The following NR3C2 variants were observed in gnomAD, a reference collection of about 807,000 sequenced individuals.
NR3C2 encodes the protein mineralocorticoid receptor.
Under a neutral mutation model 86.4 loss-of-function variants are expected in NR3C2, and 15 were observed. The observed-to-expected ratio is 0.17, with a 90% confidence interval of 0.12 to 0.27. NR3C2 has a LOEUF of 0.27. Among genes scored for constraint, NR3C2 ranks in the 10% least tolerant of loss-of-function variants. The pLI is 1.00. For missense variants in NR3C2, 960 were observed against 1,195.6 expected (o/e 0.80, Z 2.91); for synonymous variants, 458 against 450.5 (o/e 1.02, Z -0.21).
intron 4 of NR3C2, among the ~76,000 whole-genome samples, chr4:148,184,862 A>G (rs976767283): frequency 1.3e-5 from 2 of 152,338 alleles, no homozygotes; most frequent in Non-Finnish European, 2.9e-5. Flanking sequence ...GGTGCACTAG[A>G]GACACCAGAA....
intron 2 of NR3C2, among the ~76,000 whole-genome samples, chr4:148,312,172 A>G (rs1742935171): frequency 6.6e-6 from 1 of 152,224 alleles, no homozygotes; most frequent in Non-Finnish European, 1.5e-5. Context: ...CGAGCTAGTC[A>G]TTAAACTACA....
rs1320873671 is a variant in NR3C2 at position 148,239,102 on chromosome 4, C to A, written c.1897+20876G>T. Among the ~76,000 whole-genome samples, 3 of 152,146 alleles carry A rather than the reference C, an allele frequency of 2.0e-5. No homozygotes were observed. In the South Asian group the frequency reaches 6.2e-4, roughly 32 times the overall value. ...GAAAAGTGATGAAACTAGAGAGGGA[C>A]AGGCAGATTCCAAAGTTCGTATATG... On this transcript the variant is annotated intron_variant, in intron 3 of 8. Coordinates refer to ENST00000358102, the MANE Select transcript of NR3C2 (RefSeq NM_000901.5).
At chr4:148,114,455 G>A (rs1430333660) in intron 7 of NR3C2, among the ~76,000 whole-genome samples, 194 bp from the exon 8 acceptor site, 1 of 152,186 alleles carries the variant, frequency 6.6e-6, no homozygotes, top group Non-Finnish European at 1.5e-5. Context: ...TTTATCAGAT[G>A]TGTCTTATCA....
chr4:148,384,671 G>A (rs781381097), intron 2 of NR3C2, among the ~76,000 whole-genome samples: 34 of 152,058 alleles, frequency 2.2e-4, no homozygotes, highest in East Asian at 1.2e-3. Flanking sequence ...TTCCCCATGC[G>A]TTTATCATTC....
upstream of NR3C2, chr4:148,442,709 C>T (rs1750414521): frequency 1.0e-6 from 1 of 985,414 alleles, no homozygotes; most frequent in Non-Finnish European, 1.2e-6. Flanking sequence ...ACAGCCTGGA[C>T]TCGGCAGCTT....
chr4:148,261,393 C>T (rs916320924), intron 2 of NR3C2, among the ~76,000 whole-genome samples: 47 of 150,646 alleles, frequency 3.1e-4, no homozygotes, highest in Non-Finnish European at 5.8e-4. Flanking sequence ...GTGTATGGTG[C>T]GCTATGGTCA....
In NR3C2 at chr4:148,341,249, T is replaced by C. The variant is rs539225124; in HGVS notation, c.1758-81132A>G. On this transcript the variant is annotated intron_variant, in intron 2 of 8. Transcript: ENST00000358102. ...AGATGAATGGATTTTTAAAAAGTGA[T>C]ACTAACAGTGGAATATTATTCGCCC... is the stretch of plus-strand genomic sequence containing the variant. 3.9e-5 allele frequency among the ~76,000 whole-genome samples: 6 copies of C among 152,290 alleles called. No individual in the cohort carries two copies. In the East Asian group the frequency reaches 1.2e-3, roughly 29 times the overall value.
At chr4:148,257,952 C>T (rs61760293) in intron 3 of NR3C2, among the ~76,000 whole-genome samples, 23 of 152,128 alleles carry the variant, frequency 1.5e-4, no homozygotes, top group Admixed American at 2.6e-4. Flanking sequence ...AAAAGTTGCA[C>T]CTGCATTTAG....
At chr4:148,227,426 C>T (rs2883917) in intron 3 of NR3C2, among the ~76,000 whole-genome samples, 20,730 of 152,010 alleles carry the variant, frequency 0.14, 1,562 homozygotes, top group African/African-American at 0.18. Context: ...CTAAGGTGCC[C>T]GCCAGGTTTC....
intron 6 of NR3C2, among the ~76,000 whole-genome samples, chr4:148,145,300 C>T (rs928586760): frequency 6.6e-5 from 10 of 152,240 alleles, no homozygotes; most frequent in East Asian, 3.9e-4. Flanking sequence ...ATGCTCCCTC[C>T]GAAATGCTGG....
chr4:148,135,923 G>A (rs191771637), intron 6 of NR3C2, among the ~76,000 whole-genome samples: 1 of 132,552 alleles, frequency 7.5e-6, no homozygotes, highest in African/African-American at 2.6e-5. Context: ...CGGGCATAGT[G>A]GCGGGCGCCT....
At chr4:148,187,507 G>A (rs367849221) in intron 4 of NR3C2, among the ~76,000 whole-genome samples, 1 of 151,962 alleles carries the variant, frequency 6.6e-6, no homozygotes, top group Admixed American at 6.6e-5. Flanking sequence ...ATCTTCTTTC[G>A]AGAATTGTGT....
At chr4:148,351,939 C>T (rs1745300943) in intron 2 of NR3C2, among the ~76,000 whole-genome samples, 1 of 152,062 alleles carries the variant, frequency 6.6e-6, no homozygotes, top group Non-Finnish European at 1.5e-5. Flanking sequence ...TGTGTTTCCT[C>T]AGTATCCTAA....
intron 2 of NR3C2, among the ~76,000 whole-genome samples, chr4:148,282,633 C>T (rs1244983996): frequency 2.0e-5 from 3 of 151,974 alleles, no homozygotes; most frequent in Non-Finnish European, 4.4e-5. Context: ...GGAAGAAAGT[C>T]CCAGTTAAAC....
chr4:148,315,559 C>T (rs1466556764), intron 2 of NR3C2, among the ~76,000 whole-genome samples: 1 of 152,170 alleles, frequency 6.6e-6, no homozygotes, highest in Admixed American at 6.5e-5. Flanking sequence ...TGTAACTCTG[C>T]AAATTAGTTT....
At chr4:148,321,107 C>T (rs201695686) in intron 2 of NR3C2, among the ~76,000 whole-genome samples, 1 of 150,048 alleles carries the variant, frequency 6.7e-6, no homozygotes, top group Non-Finnish European at 1.5e-5. Flanking sequence ...CAAAGAACAT[C>T]TTCATTTCTG....
chr4:148,269,631 A>G (rs1407811298), intron 2 of NR3C2, among the ~76,000 whole-genome samples: 1 of 152,090 alleles, frequency 6.6e-6, no homozygotes, highest in East Asian at 1.9e-4. Context: ...TACAAAAAAC[A>G]AACAACAAAA....
At chr4:148,360,788 T>G (rs1312491814) in intron 2 of NR3C2, among the ~76,000 whole-genome samples, 2 of 152,202 alleles carry the variant, frequency 1.3e-5, no homozygotes, top group Non-Finnish European at 2.9e-5. Context: ...ATAGATGCTT[T>G]CAGGTAAGTG....
intron 2 of NR3C2, among the ~76,000 whole-genome samples, chr4:148,317,872 C>A (rs1042434532): frequency 2.8e-5 from 4 of 141,066 alleles, no homozygotes; most frequent in African/African-American, 1.0e-4. Context: ...AAGCTGTTTT[C>A]TTTTTCTTTT....
Sources: gnomAD v4.1 joint callset for allele counts (sites outside exome capture counted in the v4.1 genomes callset) on GRCh38, gnomAD v4.1.1 for gene constraint, MANE v1.5 for transcripts, NCBI Gene and HGNC (gene_info 2026-07-23, HGNC 2026-07-21) for gene names.